The following CFAP46 variants were observed in gnomAD, a reference collection of about 807,000 sequenced individuals.
The protein encoded by CFAP46 is cilia- and flagella-associated protein 46.
A neutral mutation model predicts 325.7 loss-of-function variants in CFAP46; 245 were observed. The observed-to-expected ratio is 0.75, with a 90% CI of 0.68 to 0.84. CFAP46 has a LOEUF of 0.84. Ranked by LOEUF, CFAP46 falls within the 40% of genes least tolerant of loss-of-function variation. CFAP46 has a pLI of 0.00. For missense variants in CFAP46, 3,346 were observed against 3,543.0 expected, an observed-to-expected ratio of 0.94 and a Z score of 1.41; for synonymous variants, 1,523 against 1,495.9, an observed-to-expected ratio of 1.02 and a Z score of -0.42.
intron 44 of CFAP46, among the ~76,000 whole-genome samples, chr10:132,837,933 G>GCACGGACACAGACACGCACGTGTA (rs386372888): frequency 3.4e-5 from 5 of 148,026 alleles, no homozygotes; most frequent in Admixed American, 6.7e-5. Flanking sequence ...ACGCAGACAT[G>GCACGGACACAGACACGCACGTGTA]CACGGACACA....
intron 25 of CFAP46, among the ~76,000 whole-genome samples, chr10:132,887,742 CTCTCTCCTCTCCCCTCT>C (rs1849179189): frequency 1.0e-5 from 1 of 95,932 alleles, no homozygotes; most frequent in Admixed American, 9.0e-5. Flanking sequence ...CCCCTCTTCT[CTCTCTCCTCTCCCCTCT>C]TCTCTCCTCT....
At position 132,810,952 on chromosome 10, in the gene CFAP46, C is replaced by T. The variant is rs990145674; in HGVS notation, c.7581G>A (p.Arg2527=). The change falls in exon 56 of 58, where the codon AGG becomes AGA. Residue 2527 remains arginine, a splice_region_variant and synonymous_variant. Transcript: ENST00000368586. The part of the protein sequence containing the change: ...LKRHMESVEH[R]RSVGRWEANW... The stretch of plus-strand genomic sequence containing the variant: ...ACCCGTTCCAGGCAGCCAGGCACCT[C>T]CTGTGCTCCACGCTCTCCATGTGCC... The T allele has an allele frequency of 3.1e-6, 5 of 1,596,972 alleles. No homozygotes were observed. The highest frequency in any genetic ancestry group is 3.3e-4 in the Middle Eastern group (2 of 6,046).
intron 10 of CFAP46, among the ~76,000 whole-genome samples, chr10:132,925,681 G>A (rs963547019): frequency 2.0e-5 from 3 of 152,384 alleles, no homozygotes; most frequent in Admixed American, 6.5e-5. Context: ...AACCTCCCGC[G>A]AGAAGCTCAG....
rs902923007 is a variant in CFAP46 at position 132,817,470 on chromosome 10, T to C, written c.7118-2556A>G. On this transcript the variant is annotated intron_variant, in intron 50 of 57. Coordinates refer to ENST00000368586, the MANE Select transcript of CFAP46 (RefSeq NM_001200049.3). The surrounding 1 kb of genome is among the most constrained non-coding windows in gnomAD (Gnocchi z 4.4). Reference sequence around the variant, plus strand: ...GACATAAATGGGCCAACTTCTACCATCTTACTACTTTATTTTTATTTGTCC... The same window carrying C: ...GACATAAATGGGCCAACTTCTACCACCTTACTACTTTATTTTTATTTGTCC... 2.6e-5 allele frequency among the ~76,000 whole-genome samples: 4 copies of C among 152,220 alleles called. No individual in the cohort carries two copies. The highest frequency in any genetic ancestry group is 4.4e-5 in the Non-Finnish European group (3 of 68,042).
chr10:132,810,340 C>T, intron 57 of CFAP46, 69 bp downstream of exon 57: 1 of 1,309,218 alleles, frequency 7.6e-7, no homozygotes, highest in Non-Finnish European at 1.1e-6. Flanking sequence ...CTGTGCAGTG[C>T]ACGTGCCCCA....
chr10:132,855,934 C>T (rs555934597), intron 39 of CFAP46, among the ~76,000 whole-genome samples: 1 of 152,354 alleles, frequency 6.6e-6, no homozygotes, highest in East Asian at 1.9e-4. Flanking sequence ...GCTCTCCATG[C>T]ACCTGTGTGG....
chr10:132,905,609 T>C (rs143242503), intron 22 of CFAP46, among the ~76,000 whole-genome samples: 25 of 152,334 alleles, frequency 1.6e-4, no homozygotes, highest in African/African-American at 6.0e-4. Context: ...TGAGCTTGAA[T>C]TCCAGGCTGA....
At chr10:132,821,925 TGC>T (rs1242225001) in intron 50 of CFAP46, among the ~76,000 whole-genome samples, 3 of 140,268 alleles carry the variant, frequency 2.1e-5, no homozygotes, top group East Asian at 2.2e-4. Context: ...GTGCTGTGTG[TGC>T]GCTGATGTGT....
rs150581785 is a variant in CFAP46, at chr10:132,851,255, G to A, written c.5625C>T (p.Leu1875=). The change falls in exon 40 of 58, where the codon CTC becomes CTT. Residue 1875 remains leucine (L), a synonymous_variant. Coordinates refer to ENST00000368586, the MANE Select transcript of CFAP46 (RefSeq NM_001200049.3). ...PLMRKLARLK[L]GLVEMALDML... is the part of the protein sequence containing the mutation. ...TGTCCAGAGCCATTTCCACGAGGCC[G>A]AGCTTGAGGCGCGCCAGCTTCCTCA... The A allele has an allele frequency of 6.6e-5, 106 of 1,614,000 alleles. No individual in the cohort carries two copies. The highest frequency in any genetic ancestry group is 2.5e-4 in the East Asian group (11 of 44,884).
chr10:132,841,450 G>T (rs1413778130), intron 44 of CFAP46, among the ~76,000 whole-genome samples: 1 of 152,226 alleles, frequency 6.6e-6, no homozygotes, highest in African/African-American at 2.4e-5. Context: ...AGCCCACATG[G>T]CTGCTCTTAT....
intron 55 of CFAP46, among the ~76,000 whole-genome samples, chr10:132,811,816 G>C (rs1725616093): frequency 6.6e-6 from 1 of 152,234 alleles, no homozygotes; most frequent in African/African-American, 2.4e-5. Flanking sequence ...GCAGAGCAGA[G>C]TGGGGGTCCT....
chr10:132,810,921 C>T (rs1199785098), intron 56 of CFAP46, 29 bp downstream of exon 56: 1 of 1,561,664 alleles, frequency 6.4e-7, no homozygotes, highest in East Asian at 2.4e-5. Flanking sequence ...CTCAGCATCC[C>T]TGCCCACCCG....
At chr10:132,912,957 G>T in intron 18 of CFAP46, 89 bp downstream of exon 18, 1 of 1,484,718 alleles carries the variant, frequency 6.7e-7, no homozygotes. Context: ...GACACAGAGG[G>T]CCATGGAGTG....
At position 132,885,819 on chromosome 10, in the gene CFAP46, A is replaced by G. The variant is rs1395655002; in HGVS notation, c.3443+2T>C. ...CTCACAGGCGGTGGGGGGAGCACTC[A>G]CAGGCGGTGGGCCGTCCTTGGCAGC... On this transcript the variant is annotated splice_donor_variant, in intron 26 of 57. Transcript: ENST00000368586. LOFTEE classifies it high-confidence loss of function. 6.5e-7 allele frequency: 1 copy of G among 1,544,790 alleles called. No homozygotes were observed. The highest frequency in any genetic ancestry group is 2.5e-5 in the East Asian group (1 of 40,790).
chr10:132,913,631 G>A (rs947938904), intron 17 of CFAP46, among the ~76,000 whole-genome samples: 12 of 152,206 alleles, frequency 7.9e-5, no homozygotes, highest in Non-Finnish European at 1.2e-4. Context: ...TGTCTCCCAC[G>A]AAACCAGTCC....
rs1412872934 is a variant in CFAP46 at position 132,823,697 on chromosome 10, TGTGTGCTGTGTGCTGAC to T, written c.7118-8800_7118-8784del. Among the ~76,000 whole-genome samples the T allele has an allele frequency of 7.8e-4, 103 of 132,588 alleles. 3 individuals are homozygous for T. The highest frequency in any genetic ancestry group is 5.5e-3 in the Admixed American group (74 of 13,372). 87.0% of individuals were successfully genotyped at this position (132,588 alleles called of 152,430 possible). On this transcript the variant is annotated intron_variant, in intron 50 of 57. Coordinates refer to ENST00000368586, the MANE Select transcript of CFAP46 (RefSeq NM_001200049.3). ...TGTGCTGTGTGCTGATGTGTGCTGA[TGTGTGCTGTGTGCTGAC>T]GTGTGCTGTGTGCTGATGTGTGCTG...
chr10:132,837,127 C>G, intron 44 of CFAP46: 1 of 494,186 alleles, frequency 2.0e-6, no homozygotes, highest in Non-Finnish European at 3.6e-6. Context: ...GAGTCACCGG[C>G]GGCCCCAAAA....
intron 39 of CFAP46, 57 bp from the exon 40 acceptor site, chr10:132,851,362 C>G: frequency 6.5e-7 from 1 of 1,545,238 alleles, no homozygotes; most frequent in Non-Finnish European, 8.8e-7. Context: ...CCTGAATCTA[C>G]ATCCCCACAA....
chr10:132,941,033 A>T lies in CFAP46; in HGVS notation c.334T>A (p.Tyr112Asn), dbSNP rs766775864. Residue 112 changes from tyrosine (Y) to asparagine (N), a missense_variant, in exon 4 of 58, where the codon TAC becomes AAC. By Grantham distance (143) the Tyr-to-Asn change is moderately radical (BLOSUM62 -2). Coordinates refer to ENST00000368586, the MANE Select transcript of CFAP46 (RefSeq NM_001200049.3). The stretch of plus-strand genomic sequence containing the variant: ...TTGGCAAAGTTTATGGCCTTCATGT[A>T]CTCAGTCACGCAATTTTCAAATTCC... ...LEEFENCVTE[Y>N]MKAINFAKGE... 6 of 1,614,020 alleles carry T rather than the reference A, an allele frequency of 3.7e-6. No individual in the cohort carries two copies. The Admixed American group carries it at 5.0e-5, about 13-fold the overall frequency.
Sources: gnomAD v4.1 joint callset for allele counts (sites outside exome capture counted in the v4.1 genomes callset) on GRCh38, gnomAD v4.1.1 for gene constraint, Gnocchi (gnomAD v3.1) non-coding constraint, MANE v1.5 for transcripts, NCBI Gene and HGNC (gene_info 2026-07-23, HGNC 2026-07-21) for gene names.